ALOX5: variants seen among roughly 807,000 people sequenced by gnomAD.
The protein encoded by ALOX5 is polyunsaturated fatty acid 5-lipoxygenase.
ALOX5 carries 64 observed loss-of-function variants against 87.9 expected under a neutral mutation model. The observed-to-expected ratio is 0.73, with a 90% CI of 0.60 to 0.90. ALOX5 has a LOEUF of 0.90. Among genes scored for constraint, ALOX5 ranks in the 40% least tolerant of loss-of-function variants. ALOX5 has a pLI of 0.00. For synonymous variants in ALOX5, 388 were observed against 355.1 expected (o/e 1.09, Z -1.04); for missense variants, 822 against 907.5 (o/e 0.91, Z 1.21).
At chr10:45,400,466 G>C (rs1007379740) in intron 3 of ALOX5, among the ~76,000 whole-genome samples, 1 of 152,094 alleles carries the variant, frequency 6.6e-6, no homozygotes, top group African/African-American at 2.4e-5. Flanking sequence ...GGGCATGTTG[G>C]TGCACGCCTG....
intron 7 of ALOX5, among the ~76,000 whole-genome samples, chr10:45,439,345 C>T (rs888941854): frequency 5.3e-5 from 8 of 152,186 alleles, no homozygotes; most frequent in Non-Finnish European, 1.5e-5. Flanking sequence ...TCTCCCTCCC[C>T]AGCCATGACC....
rs1053816364 is a variant in ALOX5 at position 45,425,779 on chromosome 10, C to T, written c.834+647C>T. ...TCAGCCTGCCTCTTCCCCATGGATC[C>T]AGCGTGATGGGGCCTCCTGCCACCC... On this transcript the variant is annotated intron_variant, in intron 6 of 13. Coordinates refer to ENST00000374391, the MANE Select transcript of ALOX5 (RefSeq NM_000698.5). The surrounding 1 kb of genome is among the most constrained non-coding windows in gnomAD (Gnocchi z 4.4). Among the ~76,000 whole-genome samples the T allele has an allele frequency of 5.9e-5, 9 of 152,362 alleles. 1 individual carries two copies. The highest frequency in any genetic ancestry group is 5.2e-4 in the Admixed American group (8 of 15,312).
At chr10:45,439,541 C>T (rs761827241) in intron 7 of ALOX5, among the ~76,000 whole-genome samples, 42 of 152,114 alleles carry the variant, frequency 2.8e-4, no homozygotes, top group Admixed American at 1.2e-3. Flanking sequence ...AACTCACTGT[C>T]GGGTGCTGAG....
At position 45,444,177 on chromosome 10, in the gene ALOX5, C is replaced by A; in HGVS notation, c.1736C>A (p.Ala579Asp). 6.4e-7 allele frequency: 1 copy of A among 1,557,170 alleles called. No homozygotes were observed. The highest frequency in any genetic ancestry group is 1.4e-5 in the African/African-American group (1 of 73,538). The part of the protein sequence containing the change: ...PPTMRAPPPT[A>D]KGVVTIEQIV... ...ACCATGCGAGCCCCGCCACCGACTG[C>A]CAAGGGCGTGGTGACCATTGAGCAG... The change falls in exon 13 of 14, where the codon GCC becomes GAC. Residue 579 changes from alanine to aspartate, a missense_variant. Ala to Asp is a moderately radical substitution (Grantham distance 126). Transcript: ENST00000374391.
intron 4 of ALOX5, among the ~76,000 whole-genome samples, chr10:45,420,077 C>A (rs1055264932): frequency 1.4e-4 from 21 of 152,330 alleles, no homozygotes; most frequent in African/African-American, 5.1e-4. Flanking sequence ...CTCATAGGAA[C>A]CACTTTTCCT....
At chr10:45,435,828 C>A (rs1271205227) in intron 7 of ALOX5, among the ~76,000 whole-genome samples, 1 of 152,302 alleles carries the variant, frequency 6.6e-6, no homozygotes, top group Non-Finnish European at 1.5e-5. Context: ...ACTGGTAATT[C>A]TATTTGCAGT....
chr10:45,444,149 C>G lies in ALOX5; in HGVS notation c.1708C>G (p.Pro570Ala), dbSNP rs1277630034. 6.4e-7 allele frequency: 1 copy of G among 1,553,162 alleles called. No individual in the cohort carries two copies. The highest frequency in any genetic ancestry group is 2.4e-5 in the East Asian group (1 of 41,220). ...GTGCTCCTGGATCCCCAATGCGCCC[C>G]CAACCATGCGAGCCCCGCCACCGAC... ...DWCSWIPNAP[P>A]TMRAPPPTAK... The change falls in exon 13 of 14, where the codon CCA becomes GCA. Residue 570 changes from proline (P) to alanine (A), a missense_variant. Pro to Ala is a conservative substitution (Grantham distance 27, BLOSUM62 -1). Transcript: ENST00000374391.
chr10:45,413,373 C>T (rs1235098873), intron 4 of ALOX5, among the ~76,000 whole-genome samples: 3 of 152,140 alleles, frequency 2.0e-5, no homozygotes, highest in Admixed American at 6.5e-5. Flanking sequence ...GCAGAAAAGG[C>T]CTTTGACAAA....
At chr10:45,392,872 C>T (rs1322245787) in intron 2 of ALOX5, among the ~76,000 whole-genome samples, 2 of 152,042 alleles carry the variant, frequency 1.3e-5, no homozygotes, top group East Asian at 1.9e-4. Context: ...ATAAATTCCT[C>T]GACACATACA....
chr10:45,374,761 CTCCGAGG>C, intron 1 of ALOX5, among the ~76,000 whole-genome samples: 1 of 152,178 alleles, frequency 6.6e-6, no homozygotes, highest in African/African-American at 2.4e-5. Context: ...AAGATCTGGG[CTCCGAGG>C]CTCCGGAGCC....
chr10:45,426,852 C>T (rs1378112513), intron 6 of ALOX5, among the ~76,000 whole-genome samples: 1 of 152,168 alleles, frequency 6.6e-6, no homozygotes, highest in East Asian at 1.9e-4. Context: ...AAAATGATCA[C>T]CGGCAGCTTC....
At chr10:45,405,640 A>G (rs770273267) in intron 3 of ALOX5, among the ~76,000 whole-genome samples, 19 of 152,266 alleles carry the variant, frequency 1.2e-4, no homozygotes, top group Middle Eastern at 3.4e-3. Flanking sequence ...TTGCTTAAGA[A>G]AACCCTTTCC....
intron 4 of ALOX5, among the ~76,000 whole-genome samples, chr10:45,418,972 C>G (rs1250015373): frequency 1.3e-5 from 2 of 152,190 alleles, no homozygotes; most frequent in African/African-American, 4.8e-5. Flanking sequence ...GGGGCTCACA[C>G]GCCCTGCGAT....
At chr10:45,439,387 C>T (rs1353207952) in intron 7 of ALOX5, among the ~76,000 whole-genome samples, 2 of 152,362 alleles carry the variant, frequency 1.3e-5, no homozygotes, top group African/African-American at 4.8e-5. Context: ...TCTTTCCCAG[C>T]ACCTAAAGTC....
At chr10:45,387,016 T>C (rs968929067) in intron 2 of ALOX5, among the ~76,000 whole-genome samples, 12 of 152,200 alleles carry the variant, frequency 7.9e-5, no homozygotes, top group African/African-American at 2.9e-4. Context: ...ATAGGCATAA[T>C]GATAATGATC....
chr10:45,444,473 A>C (rs1367476566), intron 13 of ALOX5, 187 bp downstream of exon 13: 22 of 773,916 alleles, frequency 2.8e-5, no homozygotes, highest in Non-Finnish European at 4.4e-5. Flanking sequence ...GACAGAGCTC[A>C]GGGTGTGCAG....
intron 7 of ALOX5, among the ~76,000 whole-genome samples, chr10:45,430,963 T>G (rs1841884313): frequency 6.6e-6 from 1 of 152,144 alleles, no homozygotes; most frequent in East Asian, 1.9e-4. Context: ...AAATAAAGAT[T>G]TAAAAGAAAA....
intron 2 of ALOX5, 123 bp from the exon 3 acceptor site, chr10:45,395,732 A>C: frequency 1.3e-6 from 1 of 742,366 alleles, no homozygotes; most frequent in South Asian, 1.7e-5. Context: ...CTGAGGCTCA[A>C]ATGAGGTCAT....
At chr10:45,444,462 G>T in intron 13 of ALOX5, 176 bp downstream of exon 13, 1 of 868,982 alleles carries the variant, frequency 1.2e-6, no homozygotes. Flanking sequence ...GCCTCAGCCT[G>T]GACAGAGCTC....
Sources: gnomAD v4.1 joint callset for allele counts (sites outside exome capture counted in the v4.1 genomes callset) on GRCh38, gnomAD v4.1.1 for gene constraint, Gnocchi (gnomAD v3.1) non-coding constraint, MANE v1.5 for transcripts, NCBI Gene and HGNC (gene_info 2026-07-23, HGNC 2026-07-21) for gene names.